ST18: variants seen among roughly 807,000 people sequenced by gnomAD.
The protein encoded by ST18 is suppression of tumorigenicity 18 protein.
ST18 carries 50 observed loss-of-function variants against 110.0 expected under a neutral mutation model. The observed-to-expected ratio is 0.45, with a 90% confidence interval of 0.36 to 0.58. The LOEUF (loss-of-function observed/expected upper bound fraction) is 0.58. Ranked by LOEUF, ST18 falls within the 20% of genes least tolerant of loss-of-function variation. The pLI is 0.00. For missense variants in ST18, 1,306 were observed against 1,280.1 expected (o/e 1.02, Z -0.31); for synonymous variants, 461 against 452.4 (o/e 1.02, Z -0.24).
chr8:52,369,404 A>T (rs1488307736), intron 2 of ST18, among the ~76,000 whole-genome samples: 1 of 152,190 alleles, frequency 6.6e-6, no homozygotes, highest in African/African-American at 2.4e-5. Context: ...CTTCCTGCTG[A>T]CTGGATTGTG....
chr8:52,245,283 A>G (rs1353478767), intron 2 of ST18, among the ~76,000 whole-genome samples: 1 of 152,146 alleles, frequency 6.6e-6, no homozygotes, highest in Non-Finnish European at 1.5e-5. Flanking sequence ...TTTAATCTAC[A>G]TTCCAGGAAT....
intron 17 of ST18, among the ~76,000 whole-genome samples, chr8:52,142,146 G>A (rs2055377552): frequency 6.6e-6 from 1 of 152,160 alleles, no homozygotes; most frequent in Non-Finnish European, 1.5e-5. Context: ...AGGGAAGGGA[G>A]GTCCCTGGAG....
intron 2 of ST18, among the ~76,000 whole-genome samples, chr8:52,260,453 G>A (rs574785338): frequency 6.6e-6 from 1 of 152,130 alleles, no homozygotes; most frequent in Non-Finnish European, 1.5e-5. Context: ...ATCACCAGCT[G>A]CATGAAATCT....
chr8:52,388,571 CAT>C (rs1837811221), intron 2 of ST18, among the ~76,000 whole-genome samples: 1 of 152,080 alleles, frequency 6.6e-6, no homozygotes, highest in South Asian at 2.1e-4. Context: ...CCAGTCTCCC[CAT>C]CAGCCCCAGG....
chr8:52,318,417 T>G (rs184633282), intron 2 of ST18, among the ~76,000 whole-genome samples: 1 of 152,110 alleles, frequency 6.6e-6, no homozygotes, highest in Non-Finnish European at 1.5e-5. Context: ...GGCAACGTTG[T>G]GGAGAAAAAG....
intron 2 of ST18, among the ~76,000 whole-genome samples, chr8:52,364,740 G>C (rs1396151759): frequency 1.3e-5 from 2 of 152,168 alleles, no homozygotes; most frequent in Non-Finnish European, 2.9e-5. Context: ...GTTGGAAGAG[G>C]TGTGAAGAAT....
intron 15 of ST18, among the ~76,000 whole-genome samples, chr8:52,157,783 C>T (rs2132965949): frequency 6.6e-6 from 1 of 152,358 alleles, no homozygotes; most frequent in Non-Finnish European, 1.5e-5. Context: ...CTGTCAAATG[C>T]TCAGTGGCAC....
chr8:52,342,130 G>C (rs934440169), intron 2 of ST18, among the ~76,000 whole-genome samples: 1 of 152,130 alleles, frequency 6.6e-6, no homozygotes. Context: ...AATATGTGAG[G>C]TCATGCATAT....
At chr8:52,205,411 A>G (rs540424754) in intron 8 of ST18, among the ~76,000 whole-genome samples, 65 of 152,050 alleles carry the variant, frequency 4.3e-4, no homozygotes, top group Non-Finnish European at 9.0e-4. Context: ...GGGAGATGGC[A>G]TTTCAAAAGA....
intron 2 of ST18, among the ~76,000 whole-genome samples, chr8:52,397,913 C>T (rs1040845939): frequency 4.0e-5 from 6 of 151,770 alleles, no homozygotes; most frequent in African/African-American, 1.2e-4. Context: ...CTTAGTATTG[C>T]TGTGGCTAGT....
intron 15 of ST18, among the ~76,000 whole-genome samples, chr8:52,158,436 C>T (rs1161165547): frequency 1.3e-5 from 2 of 152,210 alleles, no homozygotes; most frequent in African/African-American, 4.8e-5. Context: ...GTAACAAATG[C>T]AATGATAAAA....
intron 9 of ST18, 113 bp from the exon 10 acceptor site, chr8:52,172,696 CA>C: frequency 1.4e-6 from 1 of 728,956 alleles, no homozygotes; most frequent in Non-Finnish European, 2.2e-6. Context: ...GGTACATACA[CA>C]TACATATATG....
chr8:52,250,291 C>T (rs1213949433), intron 2 of ST18, among the ~76,000 whole-genome samples: 1 of 151,688 alleles, frequency 6.6e-6, no homozygotes, highest in African/African-American at 2.4e-5. Context: ...AACAGACTGG[C>T]AGCAATCTGG....
At chr8:52,339,836 A>G (rs1285061767) in intron 2 of ST18, among the ~76,000 whole-genome samples, 1 of 152,212 alleles carries the variant, frequency 6.6e-6, no homozygotes, top group Non-Finnish European at 1.5e-5. Flanking sequence ...ATTTTTGTGG[A>G]TCTTTTGACA....
chr8:52,318,377 T>C (rs1589861027), intron 2 of ST18, among the ~76,000 whole-genome samples: 1 of 152,108 alleles, frequency 6.6e-6, no homozygotes, highest in South Asian at 2.1e-4. Flanking sequence ...AGAATGGCTG[T>C]TATTAAAAAG....
intron 2 of ST18, among the ~76,000 whole-genome samples, chr8:52,336,397 C>T (rs1229823366): frequency 1.3e-5 from 2 of 152,094 alleles, no homozygotes; most frequent in Non-Finnish European, 2.9e-5. Flanking sequence ...GTGATCTGCC[C>T]ACCTTGGCCT....
chr8:52,193,566 A>G (rs1173483147), intron 8 of ST18, among the ~76,000 whole-genome samples: 2 of 152,020 alleles, frequency 1.3e-5, no homozygotes, highest in African/African-American at 2.4e-5. Flanking sequence ...CTCACATCTG[A>G]CAGGTACTGC....
At chr8:52,178,225 C>T (rs758271226) in intron 9 of ST18, among the ~76,000 whole-genome samples, 3 of 152,160 alleles carry the variant, frequency 2.0e-5, no homozygotes, top group Non-Finnish European at 4.4e-5. Context: ...TTTTCTTAAA[C>T]ACTTGGCAAA....
intron 16 of ST18, among the ~76,000 whole-genome samples, chr8:52,148,553 T>C (rs2057977385): frequency 6.6e-6 from 1 of 152,148 alleles, no homozygotes; most frequent in Non-Finnish European, 1.5e-5. Context: ...TGCATGACTG[T>C]GGCACACAAG....
Sources: gnomAD v4.1 joint callset for allele counts (sites outside exome capture counted in the v4.1 genomes callset) on GRCh38, gnomAD v4.1.1 for gene constraint, MANE v1.5 for transcripts, NCBI Gene and HGNC (gene_info 2026-07-23, HGNC 2026-07-21) for gene names.